Variants in TDRD3 observed in about 807,000 individuals in gnomAD.
The protein encoded by TDRD3 is tudor domain containing 3.
Under a neutral mutation model 86.7 loss-of-function variants are expected in TDRD3, and 45 were observed. The observed-to-expected ratio is 0.52, with a 90% CI of 0.41 to 0.67. TDRD3 has a LOEUF of 0.67. Ranked by LOEUF, TDRD3 falls within the 30% of genes least tolerant of loss-of-function variation. The probability of loss-of-function intolerance (pLI) is 0.00; values close to 1 mark genes in which losing one functional copy is unlikely to be tolerated. For missense variants in TDRD3, 814 were observed against 889.0 expected (o/e 0.92, Z 1.07); for synonymous variants, 298 against 301.7 (o/e 0.99, Z 0.13).
chr13:60,480,240 C>T (rs1956280581), intron 5 of TDRD3, among the ~76,000 whole-genome samples: 1 of 151,998 alleles, frequency 6.6e-6, no homozygotes, highest in Non-Finnish European at 1.5e-5. Context: ...TTCATTTTTC[C>T]TTTGCTTATG....
At chr13:60,517,586 C>T (rs1286492851) in intron 10 of TDRD3, among the ~76,000 whole-genome samples, 1 of 152,218 alleles carries the variant, frequency 6.6e-6, no homozygotes, top group Non-Finnish European at 1.5e-5. Flanking sequence ...CACAGCCTAT[C>T]ACTTTCTTTC....
chr13:60,562,597 T>C (rs1265098597), intron 12 of TDRD3, among the ~76,000 whole-genome samples: 1 of 152,164 alleles, frequency 6.6e-6, no homozygotes, highest in East Asian at 1.9e-4. Flanking sequence ...AAGTGGTTCA[T>C]GTATGAATCA....
At chr13:60,570,088 C>G (rs9538754) in intron 13 of TDRD3, among the ~76,000 whole-genome samples, 18,025 of 152,050 alleles carry the variant, frequency 0.12, 1,387 homozygotes, top group South Asian at 0.26. Context: ...TTAAAAAGAT[C>G]CTACATAGCA....
rs746572679 is a variant in TDRD3 at position 60,467,006 on chromosome 13, T to C, written c.354-232T>C. Among the ~76,000 whole-genome samples, 4 of 152,060 alleles carry C rather than the reference T, an allele frequency of 2.6e-5. 1 individual carries two copies. Among genetic ancestry groups the C allele is most frequent in the Non-Finnish European group, 5.9e-5 (4 of 68,000 alleles). On this transcript the variant is annotated intron_variant, in intron 4 of 13. Coordinates refer to ENST00000377881, the MANE Select transcript of TDRD3 (RefSeq NM_001146070.2). ...TGTTTTTTTGTTTTAAGTTTCAGGG[T>C]ACATGTGTAGGATGTGCAGATTTGT...
intron 12 of TDRD3, among the ~76,000 whole-genome samples, chr13:60,549,338 G>A (rs1306028546): frequency 2.6e-5 from 4 of 152,058 alleles, no homozygotes; most frequent in Non-Finnish European, 5.9e-5. Context: ...TTCTCATTAA[G>A]AACCTGCCAT....
chr13:60,481,566 T>G (rs1181698294), intron 5 of TDRD3, among the ~76,000 whole-genome samples: 1 of 152,068 alleles, frequency 6.6e-6, no homozygotes, highest in African/African-American at 2.4e-5. Context: ...TCATTGTTGG[T>G]GGTTTTTTTC....
At chr13:60,466,805 A>AT (rs1955945384) in intron 4 of TDRD3, among the ~76,000 whole-genome samples, 1 of 152,028 alleles carries the variant, frequency 6.6e-6, no homozygotes, top group Non-Finnish European at 1.5e-5. Context: ...TAAAAAAAAA[A>AT]AAAAAATCTT....
intron 12 of TDRD3, among the ~76,000 whole-genome samples, chr13:60,538,297 T>C (rs930390405): frequency 6.6e-6 from 1 of 152,014 alleles, no homozygotes; most frequent in African/African-American, 2.4e-5. Flanking sequence ...GTTTCGATTA[T>C]GATTAAATTC....
intron 8 of TDRD3, 141 bp downstream of exon 8, chr13:60,494,716 C>T (rs1595018767): frequency 1.5e-6 from 1 of 670,330 alleles, no homozygotes; most frequent in Non-Finnish European, 2.2e-6. Context: ...TTAAGGATTA[C>T]AATTAAATCA....
intron 1 of TDRD3, among the ~76,000 whole-genome samples, chr13:60,426,913 A>G (rs1260320432): frequency 6.6e-6 from 1 of 152,250 alleles, no homozygotes; most frequent in Non-Finnish European, 1.5e-5. Flanking sequence ...TATATGGCAT[A>G]GCCTGTTGCT....
chr13:60,399,190 C>T (rs1954028932), intron 1 of TDRD3, among the ~76,000 whole-genome samples: 1 of 152,182 alleles, frequency 6.6e-6, no homozygotes, highest in Non-Finnish European at 1.5e-5. Flanking sequence ...ATACAGTTGA[C>T]CTTGGAATGC....
chr13:60,495,849 G>A (rs1383577893), intron 8 of TDRD3, among the ~76,000 whole-genome samples: 6 of 152,128 alleles, frequency 3.9e-5, no homozygotes, highest in African/African-American at 1.2e-4. Flanking sequence ...AGTTTGTGGA[G>A]GGTCAGAATC....
At chr13:60,430,669 T>C (rs572340149) in intron 1 of TDRD3, among the ~76,000 whole-genome samples, 1 of 152,266 alleles carries the variant, frequency 6.6e-6, no homozygotes, top group South Asian at 2.1e-4. Context: ...CACTATACTA[T>C]GTAATATATC....
intron 8 of TDRD3, among the ~76,000 whole-genome samples, chr13:60,498,875 T>C (rs1452892290): frequency 6.6e-6 from 1 of 152,110 alleles, no homozygotes; most frequent in South Asian, 2.1e-4. Context: ...CCAGTTAAAG[T>C]AGGGGCTTAT....
At chr13:60,510,155 A>G (rs1957026445) in intron 9 of TDRD3, among the ~76,000 whole-genome samples, 1 of 152,198 alleles carries the variant, frequency 6.6e-6, no homozygotes, top group South Asian at 2.1e-4. Context: ...TGGGTCTAAC[A>G]ATACCTTATT....
intron 10 of TDRD3, among the ~76,000 whole-genome samples, chr13:60,521,842 A>G (rs536091524): frequency 1.3e-5 from 2 of 152,168 alleles, no homozygotes; most frequent in Non-Finnish European, 2.9e-5. Context: ...GGTTGCGGTG[A>G]GCCGAGATCG....
intron 8 of TDRD3, among the ~76,000 whole-genome samples, chr13:60,506,821 A>G (rs1566253689): frequency 6.6e-6 from 1 of 152,226 alleles, no homozygotes; most frequent in African/African-American, 2.4e-5. Flanking sequence ...ACCAGCTAGC[A>G]TCATAATGAC....
intron 10 of TDRD3, among the ~76,000 whole-genome samples, chr13:60,523,749 G>C (rs977027072): frequency 1.3e-5 from 2 of 151,564 alleles, no homozygotes; most frequent in Non-Finnish European, 2.9e-5. Flanking sequence ...GCTAATTTTT[G>C]TATTTTTAGT....
intron 1 of TDRD3, among the ~76,000 whole-genome samples, chr13:60,403,979 G>A (rs796571780): frequency 1.9e-4 from 29 of 152,192 alleles, no homozygotes; most frequent in African/African-American, 6.3e-4. Flanking sequence ...GTGTTGCTGA[G>A]CTATGATGTA....
Sources: gnomAD v4.1 joint callset for allele counts (sites outside exome capture counted in the v4.1 genomes callset) on GRCh38, gnomAD v4.1.1 for gene constraint, MANE v1.5 for transcripts, NCBI Gene and HGNC (gene_info 2026-07-23, HGNC 2026-07-21) for gene names.